The following AREL1 variants were observed in gnomAD, a reference collection of about 807,000 sequenced individuals.
AREL1 encodes the protein apoptosis resistant E3 ubiquitin protein ligase 1, also known as apoptosis-resistant E3 ubiquitin protein ligase 1.
AREL1 carries 62 observed loss-of-function variants against 99.0 expected under a neutral mutation model. The observed-to-expected ratio is 0.63, with a 90% CI of 0.51 to 0.77. The LOEUF (loss-of-function observed/expected upper bound fraction) is 0.77. AREL1 is among the 30% of genes least tolerant of loss of function. The pLI, the probability that AREL1 is intolerant of heterozygous loss-of-function variation, is 0.00. For synonymous variants in AREL1, 380 were observed against 376.5 expected (o/e 1.01, Z -0.11); for missense variants, 879 against 1,027.6 (o/e 0.86, Z 1.98).
chr14:74,712,065 AAAGAAAAAAAAAG>A (rs2090315711), intron 1 of AREL1: 3 of 49,648 alleles, frequency 6.0e-5, no homozygotes, highest in African/African-American at 2.6e-4. Context: ...AAAAAAAAAA[AAAGAAAAAAAAAG>A]AAAGAAAGAA....
At chr14:74,704,293 G>A (rs565675689) in intron 1 of AREL1, among the ~76,000 whole-genome samples, 13 of 152,176 alleles carry the variant, frequency 8.5e-5, no homozygotes, top group South Asian at 4.2e-4. Flanking sequence ...GAAGACATAC[G>A]CCCAGGACAC....
At chr14:74,669,128 C>T (rs1261718224) in intron 15 of AREL1, among the ~76,000 whole-genome samples, 3 of 152,232 alleles carry the variant, frequency 2.0e-5, no homozygotes, top group African/African-American at 7.2e-5. Context: ...CTCCTGGTCT[C>T]AAGCCATCCT....
At chr14:74,670,285 A>T in intron 13 of AREL1, 159 bp from the exon 14 acceptor site, 1 of 614,100 alleles carries the variant, frequency 1.6e-6, no homozygotes, top group South Asian at 3.2e-5. Context: ...CCACTGAGTA[A>T]TTCAAAGTGA....
intron 1 of AREL1, among the ~76,000 whole-genome samples, chr14:74,703,601 G>A (rs769118550): frequency 1.7e-4 from 26 of 152,174 alleles, no homozygotes; most frequent in Non-Finnish European, 3.1e-4. Context: ...GTAGTCCTTC[G>A]TGTGTAGCAT....
chr14:74,670,684 G>T, intron 13 of AREL1, 78 bp downstream of exon 13: 3 of 1,261,540 alleles, frequency 2.4e-6, no homozygotes, highest in Non-Finnish European at 3.4e-6. Flanking sequence ...TCCCAGATCA[G>T]TTTCATAATT....
chr14:74,698,902 T>G (rs1025502746), intron 1 of AREL1: 3 of 162,480 alleles, frequency 1.8e-5, no homozygotes, highest in Non-Finnish European at 4.1e-5. Context: ...TATGCACCTA[T>G]GGTCCCAGCT....
intron 2 of AREL1, 51 bp downstream of exon 2, chr14:74,691,990 T>C: frequency 3.3e-6 from 1 of 306,632 alleles, no homozygotes; most frequent in Non-Finnish European, 6.2e-6. Flanking sequence ...GGTCACTGGA[T>C]CCATGTTGTA....
chr14:74,690,988 C>T (rs1361885250), intron 2 of AREL1: 1 of 151,500 alleles, frequency 6.6e-6, no homozygotes, highest in Admixed American at 6.6e-5. Context: ...GAACATCTCA[C>T]ATTGGGGTAA....
At chr14:74,694,071 G>A (rs1391078555) in intron 1 of AREL1, among the ~76,000 whole-genome samples, 1 of 152,098 alleles carries the variant, frequency 6.6e-6, no homozygotes, top group Admixed American at 6.5e-5. Context: ...CAGTTACTTG[G>A]AGGCTGAGGT....
chr14:74,671,900 T>C (rs2089354906), intron 11 of AREL1: 1 of 393,904 alleles, frequency 2.5e-6, no homozygotes, highest in Admixed American at 2.8e-5. Flanking sequence ...TCCACAAGGC[T>C]AGGTTCAGAC....
At chr14:74,677,316 C>T (rs1161884951) in intron 5 of AREL1, among the ~76,000 whole-genome samples, 1 of 151,708 alleles carries the variant, frequency 6.6e-6, no homozygotes, top group Non-Finnish European at 1.5e-5. Context: ...GCTTGAGCAA[C>T]ATAGCAAGAC....
chr14:74,665,716 C>A (rs1413217948), intron 17 of AREL1, among the ~76,000 whole-genome samples: 1 of 152,162 alleles, frequency 6.6e-6, no homozygotes, highest in African/African-American at 2.4e-5. Flanking sequence ...GAGCCTTAAA[C>A]ATCTTGTTAA....
At position 74,673,031 on chromosome 14, in the gene AREL1, T is replaced by C. The variant is rs1350599431; in HGVS notation, c.1300+46A>G. The C allele has an allele frequency of 4.3e-6, 7 of 1,613,894 alleles. No homozygotes were observed. In the South Asian group the frequency reaches 5.5e-5, roughly 13 times the overall value. ...TCCTGCCTCTCCACCCTCATGGATG[T>C]GGCTGGGCTCACTACCTTCCCTATA... On this transcript the variant is annotated intron_variant, in intron 10 of 19. Coordinates refer to ENST00000356357, the MANE Select transcript of AREL1 (RefSeq NM_001039479.2).
chr14:74,695,559 C>CT (rs1416200218), intron 1 of AREL1, among the ~76,000 whole-genome samples: 2 of 152,200 alleles, frequency 1.3e-5, no homozygotes, highest in Non-Finnish European at 2.9e-5. Context: ...AACTCAAGCA[C>CT]TCCCCCTTCT....
chr14:74,675,582 A>G (rs949676538), intron 8 of AREL1, 117 bp downstream of exon 8: 1 of 1,396,316 alleles, frequency 7.2e-7, no homozygotes, highest in Non-Finnish European at 9.6e-7. Flanking sequence ...TTTCTATACA[A>G]CTAGTTAACA....
chr14:74,674,147 T>G, intron 8 of AREL1, 36 bp from the exon 9 acceptor site: 1 of 1,553,100 alleles, frequency 6.4e-7, no homozygotes, highest in Non-Finnish European at 8.9e-7. Flanking sequence ...AAGTGAATGA[T>G]AAATAAAAAG....
At chr14:74,680,622 C>T (rs1411953040) in intron 5 of AREL1, among the ~76,000 whole-genome samples, 1 of 152,092 alleles carries the variant, frequency 6.6e-6, no homozygotes, top group Non-Finnish European at 1.5e-5. Flanking sequence ...TCATCATAGC[C>T]CCCAAATGGA....
intron 1 of AREL1, among the ~76,000 whole-genome samples, chr14:74,707,234 GGCAGGC>G (rs1393466961): frequency 6.6e-6 from 1 of 152,018 alleles, no homozygotes; most frequent in African/African-American, 2.4e-5. Context: ...CAGGCGTGGT[GGCAGGC>G]GCCTGTAATC....
Position 74,662,381 on chromosome 14 carries a change from T to C in AREL1, c.*1339A>G, listed in dbSNP as rs1416786946. 5.1e-6 allele frequency: 2 copies of C among 389,334 alleles called. No homozygotes were observed. The highest frequency in any genetic ancestry group is 4.5e-5 in the Admixed American group (1 of 22,428). 24.1% of individuals were successfully genotyped at this position (389,334 alleles called of 1,614,324 possible). A position where few individuals can be genotyped will look rare whatever the true frequency, so the allele number is the denominator to read the frequency against. ...AATATTCTCAGAGTTGACTGCCCCA[T>C]TGGGAATGGTAGCTTGCAGCAAAGC... is the stretch of plus-strand genomic sequence containing the variant. On this transcript the variant is annotated 3_prime_UTR_variant, in exon 20 of 20. Transcript: ENST00000356357.
Sources: allele counts gnomAD v4.1 joint callset (sites outside exome capture counted in the v4.1 genomes callset), GRCh38; gene constraint gnomAD v4.1.1; transcripts MANE v1.5; gene names NCBI Gene and HGNC (gene_info 2026-07-23, HGNC 2026-07-21).